Variants in PCM1 observed in about 807,000 individuals in gnomAD.
The protein encoded by PCM1 is pericentriolar material 1 protein.
A neutral mutation model predicts 241.9 loss-of-function variants in PCM1; 157 were observed. The observed-to-expected ratio is 0.65, with a 90% CI of 0.57 to 0.74. The LOEUF is 0.74. Ranked by LOEUF, PCM1 falls within the 30% of genes least tolerant of loss-of-function variation. The pLI is 0.00. For synonymous variants in PCM1, 1,085 were observed against 784.9 expected (o/e 1.38, Z -6.39); for missense variants, 3,478 against 2,360.1 (o/e 1.47, Z -9.81).
At chr8:17,947,610 G>T (rs778851618) in intron 7 of PCM1, among the ~76,000 whole-genome samples, 5 of 152,164 alleles carry the variant, frequency 3.3e-5, no homozygotes, top group Non-Finnish European at 5.9e-5. Flanking sequence ...GTACCCTTAA[G>T]AGGTAAAAGA....
chr8:17,943,178 G>C lies in PCM1; in HGVS notation c.783+3317G>C, dbSNP rs544503501. 1.1e-3 allele frequency among the ~76,000 whole-genome samples: 138 copies of C among 121,244 alleles called. 2 individuals carry two copies. The highest frequency in any genetic ancestry group is 4.3e-4 in the Non-Finnish European group (23 of 53,544). The allele number at this position is 121,244 out of a possible 152,430, so 79.5% of individuals were successfully genotyped here. A position where few individuals can be genotyped will look rare whatever the true frequency, so the allele number is the denominator to read the frequency against. On this transcript the variant is annotated intron_variant, in intron 6 of 38. Transcript: ENST00000325083. ...TTTGTGGCTATTTTATGGGTTTGTT[G>C]TATTTTTTTTTTTTTTTTGGTGTGT...
chr8:17,966,032 A>G lies in PCM1; in HGVS notation c.2889A>G (p.Glu963=). 3.7e-6 allele frequency: 6 copies of G among 1,611,858 alleles called. No homozygotes were observed. Among genetic ancestry groups the G allele is most frequent in the Non-Finnish European group, 4.2e-6 (5 of 1,178,804 alleles). The change falls in exon 19 of 39, where the codon GAA becomes GAG. Residue 963 remains glutamate, a synonymous_variant. Transcript: ENST00000325083. ...ACAATTGCCCTTTTTCGGCAGATGAAAATTATCGTCCTTTAGCCAAGACAA... is the reference window on the plus strand; with the variant it reads ...ACAATTGCCCTTTTTCGGCAGATGAGAATTATCGTCCTTTAGCCAAGACAA... ...WKNNCPFSAD[E]NYRPLAKTRQ... is the part of the protein sequence containing the mutation.
chr8:18,012,699 T>C (rs554139906), intron 34 of PCM1, among the ~76,000 whole-genome samples: 8 of 152,330 alleles, frequency 5.3e-5, no homozygotes, highest in Admixed American at 3.9e-4. Context: ...ATTCTCTTTA[T>C]TACTGCCACA....
chr8:17,960,806 G>A (rs2071481203), intron 15 of PCM1, among the ~76,000 whole-genome samples: 2 of 151,996 alleles, frequency 1.3e-5, no homozygotes, highest in Admixed American at 6.6e-5. Flanking sequence ...TTACAGGCGC[G>A]AGAAACTACT....
intron 6 of PCM1, among the ~76,000 whole-genome samples, chr8:17,943,677 G>A (rs1563759479): frequency 6.6e-6 from 1 of 151,748 alleles, no homozygotes; most frequent in Non-Finnish European, 1.5e-5. Flanking sequence ...AGGCTGTCTC[G>A]TTGTTCTGTT....
intron 18 of PCM1, among the ~76,000 whole-genome samples, chr8:17,965,283 T>G (rs2074398949): frequency 6.6e-6 from 1 of 152,208 alleles, no homozygotes; most frequent in Non-Finnish European, 1.5e-5. Context: ...TTTTAGGAGA[T>G]TTCATTGCTT....
At chr8:17,960,272 C>G (rs766073267) in intron 14 of PCM1, 43 bp from the exon 15 acceptor site, 1 of 1,580,202 alleles carries the variant, frequency 6.3e-7, no homozygotes, top group South Asian at 1.2e-5. Context: ...TGCTTCATCA[C>G]ATTTTATTGG....
At chr8:17,947,408 A>T in intron 7 of PCM1, 45 bp downstream of exon 7, 1 of 1,358,888 alleles carries the variant, frequency 7.4e-7, no homozygotes, top group Non-Finnish European at 1.0e-6. Context: ...GAAGACTCAT[A>T]CATAATTGTA....
intron 21 of PCM1, among the ~76,000 whole-genome samples, chr8:17,968,764 A>ATG (rs2075874185): frequency 1.1e-5 from 1 of 87,694 alleles, no homozygotes; most frequent in Non-Finnish European, 2.9e-5. Context: ...GTGTGTGTGT[A>ATG]TATATATATA....
chr8:18,013,683 T>C (rs1025447622), intron 34 of PCM1: 4 of 277,086 alleles, frequency 1.4e-5, no homozygotes, highest in Non-Finnish European at 2.6e-5. Flanking sequence ...CTTGTCTGCA[T>C]TAAGTGTCTT....
chr8:17,937,233 C>T lies in PCM1; in HGVS notation c.196C>T (p.Pro66Ser). 3.7e-6 allele frequency: 6 copies of T among 1,609,288 alleles called. No homozygotes were observed. The highest frequency in any genetic ancestry group is 5.1e-6 in the Non-Finnish European group (6 of 1,176,898). The change falls in exon 4 of 39, where the codon CCG (proline) becomes TCG (serine). Residue 66 changes from proline (P) to serine (S), a missense_variant. Coordinates refer to ENST00000325083, the MANE Select transcript of PCM1 (RefSeq NM_006197.4). ...TAAAAGAGTAACCAATGATATTTCT[C>T]CGGAGTCGTCACCAGGAGTTGGAAG... The part of the protein sequence containing the change: ...SDKRVTNDIS[P>S]ESSPGVGRRR...
rs777381871 is a variant in PCM1, at chr8:17,960,075, C to T, written c.2102C>T (p.Pro701Leu). The change falls in exon 14 of 39, where the codon CCA (proline) becomes CTA (leucine). Residue 701 changes from proline to leucine, a missense_variant. Coordinates refer to ENST00000325083, the MANE Select transcript of PCM1 (RefSeq NM_006197.4). Reference protein sequence around the residue: ...ASASNLDDFYPAEEDTKQNSN... With the variant: ...ASASNLDDFYLAEEDTKQNSN... The stretch of plus-strand genomic sequence containing the variant: ...GCATCAAATTTGGATGATTTCTACC[C>T]AGCAGAAGAAGACACCAAGCAAAAT... 3 of 1,611,094 alleles carry T rather than the reference C, an allele frequency of 1.9e-6. No homozygotes were observed. In the Admixed American group the frequency reaches 5.0e-5, roughly 27 times the overall value.
rs1208020402 is a variant in PCM1 at position 18,028,400 on chromosome 8, A to AAT, written c.*738_*739insAT. The AAT allele has an allele frequency of 1.5e-4, 29 of 192,508 alleles. No individual in the cohort carries two copies. The highest frequency in any genetic ancestry group is 5.1e-4 in the African/African-American group (22 of 43,174). The allele number at this position is 192,508 out of a possible 1,614,324, so 11.9% of individuals were successfully genotyped here. On this transcript the variant is annotated 3_prime_UTR_variant, in exon 39 of 39. Transcript: ENST00000325083. ...TAAAAGTAAAAAAAATAAGCTTTAT[A>AAT]TAATTAGGGAGATTTCTGCACAGAG... is the stretch of plus-strand genomic sequence containing the variant.
rs531808787 is a variant in PCM1, at chr8:17,928,225, T to C, written c.-23+3445T>C. Among the ~76,000 whole-genome samples the C allele has an allele frequency of 7.5e-4, 115 of 152,324 alleles. No homozygotes were observed. In the Middle Eastern group the frequency reaches 0.01, roughly 14 times the overall value. ...AGTGGAGTGTTTATATTGAGGGATA[T>C]GAGCACTGCTGGAAAAAAATATCTG... is the stretch of plus-strand genomic sequence containing the variant. On this transcript the variant is annotated intron_variant, in intron 2 of 38. Coordinates refer to ENST00000325083, the MANE Select transcript of PCM1 (RefSeq NM_006197.4).
At chr8:17,960,646 T>G (rs1353749035) in intron 15 of PCM1, among the ~76,000 whole-genome samples, 9 of 150,818 alleles carry the variant, frequency 6.0e-5, no homozygotes, top group Non-Finnish European at 1.3e-4. Context: ...TGCCTCAGCC[T>G]CCTGAGTAGC....
intron 23 of PCM1, among the ~76,000 whole-genome samples, chr8:17,979,579 A>T (rs191473909): frequency 2.0e-5 from 3 of 152,216 alleles, no homozygotes. Context: ...GTAAGGAACA[A>T]ATTTAACAAG....
At chr8:17,990,452 A>G (rs549954194) in intron 27 of PCM1, among the ~76,000 whole-genome samples, 2 of 151,498 alleles carry the variant, frequency 1.3e-5, no homozygotes, top group Admixed American at 6.6e-5. Flanking sequence ...AGGCATAGCA[A>G]ATGGTTTTGG....
chr8:18,013,684 TAA>T, intron 34 of PCM1: 1 of 279,784 alleles, frequency 3.6e-6, no homozygotes, highest in African/African-American at 2.2e-5. Context: ...TTGTCTGCAT[TAA>T]GTGTCTTTTA....
chr8:17,990,904 C>A (rs1344804252), intron 27 of PCM1, among the ~76,000 whole-genome samples: 1 of 152,070 alleles, frequency 6.6e-6, no homozygotes, highest in African/African-American at 2.4e-5. Flanking sequence ...TAAGTAAATG[C>A]TTATTTGGGT....
Sources: allele counts gnomAD v4.1 joint callset (sites outside exome capture counted in the v4.1 genomes callset), GRCh38; gene constraint gnomAD v4.1.1; transcripts MANE v1.5; gene names NCBI Gene and HGNC (gene_info 2026-07-23, HGNC 2026-07-21).